Variants in STK32A observed in about 807,000 individuals in gnomAD.
The protein encoded by STK32A is serine/threonine-protein kinase 32A.
A neutral mutation model predicts 53.2 loss-of-function variants in STK32A; 41 were observed. That is an observed-to-expected ratio of 0.77 (90% confidence interval 0.60 to 1.00). The LOEUF (loss-of-function observed/expected upper bound fraction) is 1.00. STK32A is among the 50% of genes least tolerant of loss of function. STK32A has a pLI of 0.00. For synonymous variants in STK32A, 166 were observed against 162.8 expected (o/e 1.02, Z -0.15); for missense variants, 458 against 485.8 (o/e 0.94, Z 0.54).
intron 4 of STK32A, among the ~76,000 whole-genome samples, chr5:147,300,352 A>G (rs1286415285): frequency 6.6e-6 from 1 of 152,194 alleles, no homozygotes; most frequent in Non-Finnish European, 1.5e-5. Flanking sequence ...TTCCTGCTGC[A>G]CTATACCATC....
chr5:147,260,166 TCTCTCTCTCTCTCCTCTCTCTCTC>T (rs1200017889), intron 2 of STK32A, among the ~76,000 whole-genome samples: 1,242 of 54,402 alleles, frequency 0.023, 85 homozygotes, highest in East Asian at 0.047. Flanking sequence ...CCTCTCTGTC[TCTCTCTCTCTCTCCTCTCTCTCTC>T]CTCTCTCTCT....
the STK32A span, chr5:147,395,647 A>G: frequency 6.2e-7 from 1 of 1,614,058 alleles, no homozygotes; most frequent in Non-Finnish European, 8.5e-7. Context: ...CGGGGGTGCC[A>G]CCTTTGGGGG....
chr5:147,343,297 T>C, intron 6 of STK32A: 1 of 660,344 alleles, frequency 1.5e-6, no homozygotes, highest in Admixed American at 2.1e-5. Flanking sequence ...TCCACTACTA[T>C]ATTTCTTCAA....
the STK32A span, chr5:147,394,180 G>C: frequency 3.2e-6 from 5 of 1,567,476 alleles, no homozygotes; most frequent in East Asian, 2.2e-5. Flanking sequence ...CGGGTAGGGG[G>C]ATGTGGGCAA....
At chr5:147,381,952 C>T (rs1435615729) in intron 11 of STK32A, among the ~76,000 whole-genome samples, 4 of 152,044 alleles carry the variant, frequency 2.6e-5, no homozygotes, top group African/African-American at 4.8e-5. Context: ...CTAACACTAA[C>T]GATAGCTGAT....
rs1757623553 is a variant in STK32A at position 147,385,733 on chromosome 5, C to A, written c.*1750C>A. The A allele has an allele frequency of 6.6e-6, 1 of 152,184 alleles. No homozygotes were observed. Among genetic ancestry groups the A allele is most frequent in the South Asian group, 2.1e-4 (1 of 4,828 alleles). 9.4% of individuals were successfully genotyped at this position (152,184 alleles called of 1,614,324 possible). A position where few individuals can be genotyped will look rare whatever the true frequency, so the allele number is the denominator to read the frequency against. On this transcript the variant is annotated 3_prime_UTR_variant, in exon 13 of 13. Coordinates refer to ENST00000397936, the MANE Select transcript of STK32A (RefSeq NM_001112724.2). ...GAACTATTTTTGGCAACCCCTATGC[C>A]CCTGGGTAGGGTCCAGAAGTGAACA...
chr5:147,359,608 C>A (rs72833306), intron 7 of STK32A, among the ~76,000 whole-genome samples: 8 of 151,960 alleles, frequency 5.3e-5, no homozygotes, highest in African/African-American at 1.9e-4. Flanking sequence ...TGTCTGTCAC[C>A]CATCACCTGG....
intron 3 of STK32A, 144 bp from the exon 4 acceptor site, chr5:147,279,103 A>G (rs747054362): frequency 3.5e-6 from 2 of 573,246 alleles, no homozygotes; most frequent in Non-Finnish European, 5.4e-6. Context: ...ATCTAAAATC[A>G]GAGCTAAGTG....
chr5:147,237,957 AT>A (rs567051464), intron 1 of STK32A, among the ~76,000 whole-genome samples: 1 of 152,228 alleles, frequency 6.6e-6, no homozygotes, highest in Non-Finnish European at 1.5e-5. Flanking sequence ...GAAATCAACT[AT>A]TTTTTTAAAA....
intron 4 of STK32A, among the ~76,000 whole-genome samples, chr5:147,317,179 C>T (rs1054363493): frequency 6.7e-6 from 1 of 149,036 alleles, no homozygotes; most frequent in Admixed American, 6.7e-5. Context: ...TAAACTTGAA[C>T]AAGCCTCTAG....
chr5:147,379,412 C>T (rs1321387754), intron 11 of STK32A, among the ~76,000 whole-genome samples: 1 of 151,928 alleles, frequency 6.6e-6, no homozygotes, highest in Admixed American at 6.6e-5. Context: ...TCGGGTGTCT[C>T]AGTTTCCTCA....
At chr5:147,246,534 T>C (rs1021119783) in intron 2 of STK32A, among the ~76,000 whole-genome samples, 1 of 152,216 alleles carries the variant, frequency 6.6e-6, no homozygotes, top group Non-Finnish European at 1.5e-5. Flanking sequence ...TATTTCAAAA[T>C]GAAATAATTT....
chr5:147,312,438 C>T (rs751419484), intron 4 of STK32A, among the ~76,000 whole-genome samples: 4 of 152,260 alleles, frequency 2.6e-5, no homozygotes, highest in Non-Finnish European at 2.9e-5. Context: ...TGGTAGTTCT[C>T]TCAAATTCAT....
intron 10 of STK32A, among the ~76,000 whole-genome samples, chr5:147,373,597 C>T (rs1215702968): frequency 1.3e-5 from 2 of 151,150 alleles, no homozygotes; most frequent in Non-Finnish European, 3.0e-5. Flanking sequence ...AATAGTCATT[C>T]TCATGAATCT....
At chr5:147,352,085 A>C (rs1202283565) in intron 7 of STK32A, among the ~76,000 whole-genome samples, 1 of 152,146 alleles carries the variant, frequency 6.6e-6, no homozygotes, top group Non-Finnish European at 1.5e-5. Context: ...GGTGGCATGC[A>C]TCTGTGGTCC....
chr5:147,346,895 G>A (rs986654415), intron 6 of STK32A, among the ~76,000 whole-genome samples: 31 of 152,290 alleles, frequency 2.0e-4, no homozygotes, highest in East Asian at 5.8e-4. Flanking sequence ...AAAACTCAGC[G>A]TAGGAGGTGA....
At chr5:147,276,893 C>T (rs1468077788) in intron 2 of STK32A, among the ~76,000 whole-genome samples, 2 of 152,096 alleles carry the variant, frequency 1.3e-5, no homozygotes, top group Admixed American at 1.3e-4. Flanking sequence ...CATTTATCTC[C>T]AGTCTCTTCA....
chr5:147,321,482 A>G lies in STK32A; in HGVS notation c.261-2416A>G, dbSNP rs150527864. 6.5e-3 allele frequency among the ~76,000 whole-genome samples: 988 copies of G among 152,322 alleles called. 21 individuals carry two copies. The highest frequency in any genetic ancestry group is 0.051 in the Admixed American group (782 of 15,288). ...CAAACGTGCCTCCATGATTAAATACATTTATATTTCTACTGGCCAAGGAAA... is the reference window on the plus strand; with the variant it reads ...CAAACGTGCCTCCATGATTAAATACGTTTATATTTCTACTGGCCAAGGAAA... On this transcript the variant is annotated intron_variant, in intron 4 of 12. Transcript: ENST00000397936.
At chr5:147,389,216 C>T (rs1581164480), downstream of STK32A, among the ~76,000 whole-genome samples, 2 of 152,202 alleles carry the variant, frequency 1.3e-5, no homozygotes, top group East Asian at 1.9e-4. Context: ...CCTCCCCACC[C>T]GTCCCAACTT....
Sources: allele counts gnomAD v4.1 joint callset (sites outside exome capture counted in the v4.1 genomes callset), GRCh38; gene constraint gnomAD v4.1.1; transcripts MANE v1.5; gene names NCBI Gene and HGNC (gene_info 2026-07-23, HGNC 2026-07-21).